KCNMB2: variants seen among roughly 807,000 people sequenced by gnomAD.
KCNMB2 encodes the protein potassium calcium-activated channel subfamily M regulatory beta subunit 2, also known as calcium-activated potassium channel subunit beta-2.
In KCNMB2, 9 loss-of-function variants were observed where a neutral mutation model predicts 24.5. The observed-to-expected ratio is 0.37, with a 90% CI of 0.22 to 0.64. The LOEUF is 0.64. Among genes scored for constraint, KCNMB2 ranks in the 30% least tolerant of loss-of-function variants. The probability of loss-of-function intolerance (pLI) is 0.63; values close to 1 mark genes in which losing one functional copy is unlikely to be tolerated. For synonymous variants in KCNMB2, 109 were observed against 104.4 expected (o/e 1.04, Z -0.27); for missense variants, 226 against 284.3 (o/e 0.79, Z 1.47).
chr3:178,832,198 C>T (rs1715079392), intron 4 of KCNMB2, among the ~76,000 whole-genome samples: 2 of 152,054 alleles, frequency 1.3e-5, no homozygotes, highest in Admixed American at 6.6e-5. Flanking sequence ...AAGCATTTTT[C>T]ATTTTATTTT....
At chr3:178,719,508 T>C (rs1422894873) in intron 1 of KCNMB2, among the ~76,000 whole-genome samples, 1 of 152,242 alleles carries the variant, frequency 6.6e-6, no homozygotes, top group Non-Finnish European at 1.5e-5. Context: ...TGGGAAGCAT[T>C]TGGCTTCACT....
At chr3:178,606,924 A>T (rs923255882) in intron 1 of KCNMB2, among the ~76,000 whole-genome samples, 1 of 152,196 alleles carries the variant, frequency 6.6e-6, no homozygotes, top group African/African-American at 2.4e-5. Flanking sequence ...CACAGCAAAA[A>T]GACAGCCATC....
rs559173028 is a variant in KCNMB2, at chr3:178,759,521, GGATA to G, written c.-67-47821_-67-47818del. 1.1e-3 allele frequency among the ~76,000 whole-genome samples: 128 copies of G among 111,840 alleles called. 10 individuals are homozygous for G. The highest frequency in any genetic ancestry group is 4.6e-3 in the African/African-American group (125 of 27,306). The allele number at this position is 111,840 out of a possible 152,430, so 73.4% of individuals were successfully genotyped here. A position where few individuals can be genotyped will look rare whatever the true frequency, so the allele number is the denominator to read the frequency against. ...AGGATATATATATATCTCTCCAAGA[GGATA>G]TATATACATATATCTCTCTCCAAGA... On this transcript the variant is annotated intron_variant, in intron 1 of 4. Coordinates refer to ENST00000452583, the MANE Select transcript of KCNMB2 (RefSeq NM_181361.3).
intron 1 of KCNMB2, among the ~76,000 whole-genome samples, chr3:178,663,125 G>A (rs1720593796): frequency 6.6e-6 from 1 of 152,080 alleles, no homozygotes; most frequent in Non-Finnish European, 1.5e-5. Context: ...CATCTTCAAG[G>A]AGGCTGGCCT....
chr3:178,675,953 G>T (rs1481850330), intron 1 of KCNMB2, among the ~76,000 whole-genome samples: 4 of 152,142 alleles, frequency 2.6e-5, no homozygotes, highest in Non-Finnish European at 5.9e-5. Flanking sequence ...TCTCATAATT[G>T]TTCAAAATAC....
chr3:178,583,426 G>C (rs1274129440), intron 1 of KCNMB2, among the ~76,000 whole-genome samples: 1 of 152,018 alleles, frequency 6.6e-6, no homozygotes, highest in Non-Finnish European at 1.5e-5. Flanking sequence ...TCTCTTTTTG[G>C]CTGGGATTCA....
intron 1 of KCNMB2, among the ~76,000 whole-genome samples, chr3:178,678,121 G>GGCTT (rs1295789092): frequency 6.6e-6 from 1 of 152,188 alleles, no homozygotes; most frequent in African/African-American, 2.4e-5. Context: ...TGGGAGTTAT[G>GGCTT]GCTTATGGAA....
intron 1 of KCNMB2, among the ~76,000 whole-genome samples, chr3:178,658,265 T>G (rs538572976): frequency 1.3e-5 from 2 of 152,286 alleles, no homozygotes; most frequent in Admixed American, 6.5e-5. Context: ...TTCATACCAG[T>G]TGTCAAACTT....
intron 1 of KCNMB2, among the ~76,000 whole-genome samples, chr3:178,679,032 G>T (rs974292014): frequency 3.5e-4 from 47 of 133,892 alleles, no homozygotes; most frequent in Middle Eastern, 3.9e-3. Flanking sequence ...GTTTTTTTTT[G>T]TTTGTTTGTT....
intron 1 of KCNMB2, among the ~76,000 whole-genome samples, chr3:178,731,327 T>TA (rs1250498800): frequency 2.0e-5 from 3 of 152,186 alleles, no homozygotes; most frequent in Non-Finnish European, 2.9e-5. Flanking sequence ...GCAGAAATGA[T>TA]AGAGTGTCAC....
intron 1 of KCNMB2, among the ~76,000 whole-genome samples, chr3:178,633,849 T>G (rs2108540729): frequency 6.6e-6 from 1 of 152,366 alleles, no homozygotes; most frequent in African/African-American, 2.4e-5. Context: ...CTCTTCTTCC[T>G]GTTGAACACT....
chr3:178,690,608 C>T (rs190562194), intron 1 of KCNMB2, among the ~76,000 whole-genome samples: 2 of 152,238 alleles, frequency 1.3e-5, no homozygotes, highest in East Asian at 3.9e-4. Context: ...CTCTGACATG[C>T]ACTCTTCTTC....
chr3:178,683,407 T>C (rs1721343611), intron 1 of KCNMB2, among the ~76,000 whole-genome samples: 1 of 151,970 alleles, frequency 6.6e-6, no homozygotes, highest in African/African-American at 2.4e-5. Context: ...GGATCATTCA[T>C]ATTCCAAACC....
intron 1 of KCNMB2, among the ~76,000 whole-genome samples, chr3:178,569,367 T>C (rs569177022): frequency 6.6e-6 from 1 of 151,754 alleles, no homozygotes; most frequent in African/African-American, 2.4e-5. Context: ...TCGGTTCATG[T>C]AACCACATCT....
chr3:178,634,728 G>T (rs1719449669), intron 1 of KCNMB2, among the ~76,000 whole-genome samples: 1 of 152,170 alleles, frequency 6.6e-6, no homozygotes, highest in East Asian at 1.9e-4. Context: ...GTGAACAGCT[G>T]CCATCTTTCT....
rs966197440 is a variant in KCNMB2, at chr3:178,668,776, A to G, written c.-68+132065A>G. On this transcript the variant is annotated intron_variant, in intron 1 of 4. Coordinates refer to ENST00000452583, the MANE Select transcript of KCNMB2 (RefSeq NM_181361.3). The stretch of plus-strand genomic sequence containing the variant: ...AATAAAGCTATGATTACTTATAATG[A>G]CTTACTGCAATTGTCCATATCTTCT... 1.5e-4 allele frequency among the ~76,000 whole-genome samples: 23 copies of G among 152,190 alleles called. 1 individual carries two copies. Among genetic ancestry groups the G allele is most frequent in the Non-Finnish European group, 2.9e-5 (2 of 68,026 alleles).
intron 1 of KCNMB2, among the ~76,000 whole-genome samples, chr3:178,652,179 A>G (rs1163463145): frequency 6.6e-6 from 1 of 152,202 alleles, no homozygotes. Flanking sequence ...TCTATCTGAC[A>G]AAGAGCTATT....
chr3:178,613,026 C>T (rs1718550405), intron 1 of KCNMB2, among the ~76,000 whole-genome samples: 1 of 152,146 alleles, frequency 6.6e-6, no homozygotes, highest in Non-Finnish European at 1.5e-5. Flanking sequence ...AAAAAGAACA[C>T]TAATAAAAAC....
At chr3:178,624,594 C>CTTTT (rs770228080) in intron 1 of KCNMB2, among the ~76,000 whole-genome samples, 27 of 44,188 alleles carry the variant, frequency 6.1e-4, no homozygotes, top group African/African-American at 3.5e-3. Context: ...TTCTTTTTTT[C>CTTTT]TTTCTTTTTT....
Sources: gnomAD v4.1 joint callset for allele counts (sites outside exome capture counted in the v4.1 genomes callset) on GRCh38, gnomAD v4.1.1 for gene constraint, MANE v1.5 for transcripts, NCBI Gene and HGNC (gene_info 2026-07-23, HGNC 2026-07-21) for gene names.